The following MYCT1 variants were observed in gnomAD, a reference collection of about 807,000 sequenced individuals.
MYCT1 encodes the protein MYC target 1.
Under a neutral mutation model 15.0 loss-of-function variants are expected in MYCT1, and 12 were observed. The ratio of observed to expected loss-of-function variants is 0.80; its 90% CI spans 0.51 to 1.29. The LOEUF (loss-of-function observed/expected upper bound fraction) is 1.29, where lower values mean the gene tolerates loss of function less well. Among genes scored for constraint, MYCT1 ranks in the 50% most tolerant of loss-of-function variants. The pLI, the probability that MYCT1 is intolerant of heterozygous loss-of-function variation, is 0.00. For missense variants in MYCT1, 287 were observed against 279.1 expected, an observed-to-expected ratio of 1.03 and a Z score of -0.20; for synonymous variants, 104 against 102.7, an observed-to-expected ratio of 1.01 and a Z score of -0.07.
At chr6:152,719,709 A>G (rs2099724349) in intron 1 of MYCT1, among the ~76,000 whole-genome samples, 2 of 152,210 alleles carry the variant, frequency 1.3e-5, no homozygotes, top group African/African-American at 4.8e-5. Context: ...ATATCCTAAA[A>G]TTAGACAGCA....
chr6:152,735,031 C>T, the MYCT1 span, among the ~76,000 whole-genome samples: 1 of 152,238 alleles, frequency 6.6e-6, no homozygotes, highest in South Asian at 2.1e-4. Context: ...TGAGGTAATG[C>T]TGCTGAAAGA....
At chr6:152,703,566 G>T (rs560321268) in intron 1 of MYCT1, among the ~76,000 whole-genome samples, 41 of 150,496 alleles carry the variant, frequency 2.7e-4, no homozygotes, top group African/African-American at 9.4e-4. Context: ...AATTACTTTA[G>T]TATGCATATC....
At chr6:152,704,458 A>AT (rs373836791) in intron 1 of MYCT1, among the ~76,000 whole-genome samples, 223 of 152,168 alleles carry the variant, frequency 1.5e-3, no homozygotes, top group African/African-American at 5.2e-3. Flanking sequence ...TCTCCTTTTT[A>AT]TTTTTTAAAC....
At chr6:152,702,419 A>C (rs911202095) in intron 1 of MYCT1, among the ~76,000 whole-genome samples, 1 of 152,198 alleles carries the variant, frequency 6.6e-6, no homozygotes, top group African/African-American at 2.4e-5. Context: ...TTAGTAATTT[A>C]AATGTGAAGT....
downstream of MYCT1, among the ~76,000 whole-genome samples, chr6:152,727,934 C>T (rs941732851): frequency 1.3e-5 from 2 of 152,050 alleles, no homozygotes; most frequent in East Asian, 1.9e-4. Flanking sequence ...TAGACGGAGA[C>T]GGGCAGATCA....
chr6:152,706,821 T>C (rs371412655), intron 1 of MYCT1, among the ~76,000 whole-genome samples: 1 of 151,308 alleles, frequency 6.6e-6, no homozygotes. Flanking sequence ...ATCTGAAATA[T>C]AACATTTCCA....
chr6:152,721,747 C>G lies in MYCT1; in HGVS notation c.202C>G (p.Leu68Val), dbSNP rs2099724736. ...ATTTGTTTTCTTTGTTTCAGAGGAC[C>G]TTATCATGTCCTTCACTGTATCCAT... Reference protein sequence around the residue: ...SPWPENFWEDLIMSFTVSMAI... With the variant: ...SPWPENFWEDVIMSFTVSMAI... Residue 68 changes from leucine to valine, a missense_variant, in exon 2 of 2, where the codon CTT becomes GTT. Leu to Val is a conservative substitution (Grantham distance 32). Coordinates refer to ENST00000367245, the MANE Select transcript of MYCT1 (RefSeq NM_025107.3). 1 of 1,608,102 alleles carries G rather than the reference C, an allele frequency of 6.2e-7. No homozygotes were observed. The highest frequency in any genetic ancestry group is 8.5e-7 in the Non-Finnish European group (1 of 1,177,098).
intron 1 of MYCT1, among the ~76,000 whole-genome samples, chr6:152,705,426 A>G (rs561510132): frequency 3.3e-5 from 5 of 152,262 alleles, no homozygotes; most frequent in Admixed American, 1.3e-4. Context: ...AAAAATCCCA[A>G]ATCTAACCAT....
At chr6:152,701,623 G>A (rs535309310) in intron 1 of MYCT1, among the ~76,000 whole-genome samples, 6 of 152,182 alleles carry the variant, frequency 3.9e-5, no homozygotes, top group African/African-American at 1.4e-4. Flanking sequence ...GGAGAGGGGG[G>A]ACCTTTGTGC....
chr6:152,742,470 C>T, the MYCT1 span, among the ~76,000 whole-genome samples: 4 of 152,070 alleles, frequency 2.6e-5, no homozygotes, highest in Admixed American at 1.3e-4. Flanking sequence ...ATGAGAATAG[C>T]GTGATCCAGG....
chr6:152,741,480 T>C, the MYCT1 span, among the ~76,000 whole-genome samples: 1 of 152,088 alleles, frequency 6.6e-6, no homozygotes, highest in Non-Finnish European at 1.5e-5. Context: ...ATGTACCAGG[T>C]ATTGGGGATA....
chr6:152,717,387 A>G (rs2099723867), intron 1 of MYCT1, among the ~76,000 whole-genome samples: 1 of 152,166 alleles, frequency 6.6e-6, no homozygotes, highest in African/African-American at 2.4e-5. Context: ...AGGTATAAGA[A>G]TTAGTGCAAT....
chr6:152,737,563 A>G, the MYCT1 span, among the ~76,000 whole-genome samples: 1 of 152,120 alleles, frequency 6.6e-6, no homozygotes, highest in African/African-American at 2.4e-5. Context: ...CAATAATATG[A>G]TCATACTATT....
At chr6:152,720,121 G>A (rs893347320) in intron 1 of MYCT1, among the ~76,000 whole-genome samples, 1 of 151,708 alleles carries the variant, frequency 6.6e-6, no homozygotes, top group Admixed American at 6.6e-5. Context: ...AATTATCTAG[G>A]ATGACACCAT....
At position 152,712,590 on chromosome 6, in the gene MYCT1, C is replaced by T. The variant is rs2099722945; in HGVS notation, c.197-9152C>T. Among the ~76,000 whole-genome samples the T allele has an allele frequency of 1.1e-4, 2 of 18,778 alleles. 1 individual carries two copies. The highest frequency in any genetic ancestry group is 2.1e-4 in the African/African-American group (2 of 9,604). 12.3% of individuals were successfully genotyped at this position (18,778 alleles called of 152,430 possible). On this transcript the variant is annotated intron_variant, in intron 1 of 1. Transcript: ENST00000367245. ...TGGAAATGCAGAAATCACCCGTCTT[C>T]TGCGTCGCTCACCCTGGGAGCTGTA...
chr6:152,737,762 T>A, the MYCT1 span, among the ~76,000 whole-genome samples: 1 of 152,292 alleles, frequency 6.6e-6, no homozygotes, highest in East Asian at 1.9e-4. Flanking sequence ...ATAATGCATA[T>A]GTTGTTTAAG....
At chr6:152,702,577 C>G (rs1565389639) in intron 1 of MYCT1, among the ~76,000 whole-genome samples, 2 of 152,070 alleles carry the variant, frequency 1.3e-5, no homozygotes, top group Admixed American at 6.6e-5. Flanking sequence ...AAATACTGTT[C>G]TTTAGCCTGT....
the MYCT1 span, among the ~76,000 whole-genome samples, chr6:152,735,700 A>C: frequency 6.6e-6 from 1 of 152,258 alleles, no homozygotes; most frequent in East Asian, 1.9e-4. Flanking sequence ...TTTCTGTTTT[A>C]ATATAAATTT....
At chr6:152,725,721 A>G (rs896202297), downstream of MYCT1, among the ~76,000 whole-genome samples, 1 of 152,244 alleles carries the variant, frequency 6.6e-6, no homozygotes, top group Non-Finnish European at 1.5e-5. Flanking sequence ...GATGAAATGT[A>G]TCAGGAGTCT....
Sources: gnomAD v4.1 joint callset for allele counts (sites outside exome capture counted in the v4.1 genomes callset) on GRCh38, gnomAD v4.1.1 for gene constraint, MANE v1.5 for transcripts, NCBI Gene and HGNC (gene_info 2026-07-23, HGNC 2026-07-21) for gene names.